TBC1D32: variants seen among roughly 807,000 people sequenced by gnomAD.
TBC1D32 encodes the protein TBC1 domain family member 32.
In TBC1D32, 151 loss-of-function variants were observed where a neutral mutation model predicts 170.3. The observed-to-expected ratio is 0.89, with a 90% CI of 0.78 to 1.01. The LOEUF is 1.01. Among genes scored for constraint, TBC1D32 ranks in the 50% least tolerant of loss-of-function variants. The probability of loss-of-function intolerance (pLI) is 0.00; values close to 1 mark genes in which losing one functional copy is unlikely to be tolerated. For synonymous variants in TBC1D32, 498 were observed against 488.0 expected (o/e 1.02, Z -0.27); for missense variants, 1,464 against 1,457.1 (o/e 1.00, Z -0.08).
chr6:121,209,252 C>G (rs918266617), intron 21 of TBC1D32, among the ~76,000 whole-genome samples: 1 of 152,048 alleles, frequency 6.6e-6, no homozygotes, highest in African/African-American at 2.4e-5. Flanking sequence ...AAACCATAAC[C>G]ACAATCTATG....
At chr6:121,209,532 G>A (rs571821217) in intron 21 of TBC1D32, among the ~76,000 whole-genome samples, 3 of 152,124 alleles carry the variant, frequency 2.0e-5, no homozygotes, top group Admixed American at 6.5e-5. Context: ...CTACTTCCAC[G>A]GGTTTAACTA....
intron 17 of TBC1D32, among the ~76,000 whole-genome samples, chr6:121,253,879 T>TA (rs1423324824): frequency 6.6e-6 from 1 of 152,080 alleles, no homozygotes; most frequent in Non-Finnish European, 1.5e-5. Flanking sequence ...GCAATCCCAC[T>TA]ACTGGGTATC....
chr6:121,224,316 C>A (rs545501100), intron 20 of TBC1D32: 1 of 152,106 alleles, frequency 6.6e-6, no homozygotes, highest in Admixed American at 6.6e-5. Flanking sequence ...GTCCTATGTT[C>A]TGTCAATACT....
chr6:121,093,186 C>T (rs888134037), intron 30 of TBC1D32, among the ~76,000 whole-genome samples: 29 of 152,166 alleles, frequency 1.9e-4, no homozygotes, highest in African/African-American at 7.0e-4. Context: ...GATGCATCTC[C>T]CAAATTGCAA....
At chr6:121,261,263 C>A (rs1417139638) in intron 15 of TBC1D32, among the ~76,000 whole-genome samples, 12 of 152,212 alleles carry the variant, frequency 7.9e-5, no homozygotes, top group Non-Finnish European at 4.4e-5. Context: ...CAGTGCAGCA[C>A]ACCCTCTGCC....
At chr6:121,105,399 C>T (rs1264498789) in intron 30 of TBC1D32, among the ~76,000 whole-genome samples, 1 of 151,854 alleles carries the variant, frequency 6.6e-6, no homozygotes, top group African/African-American at 2.4e-5. Flanking sequence ...CTCTCTCAGA[C>T]CCTGACCTAA....
chr6:121,293,908 C>CA (rs2128466216), intron 11 of TBC1D32, among the ~76,000 whole-genome samples: 1 of 151,688 alleles, frequency 6.6e-6, no homozygotes, highest in South Asian at 2.1e-4. Context: ...GAGACTCTGT[C>CA]TAAAAAAATA....
At chr6:121,233,234 C>T (rs562991336) in intron 20 of TBC1D32, among the ~76,000 whole-genome samples, 14 of 152,074 alleles carry the variant, frequency 9.2e-5, no homozygotes, top group Middle Eastern at 3.4e-3. Flanking sequence ...ATTTGTTCTA[C>T]GGTATAGTTT....
chr6:121,255,785 TA>T, intron 16 of TBC1D32, among the ~76,000 whole-genome samples: 1 of 152,096 alleles, frequency 6.6e-6, no homozygotes, highest in Non-Finnish European at 1.5e-5. Context: ...AAAATTACTT[TA>T]AAATAACTCC....
intron 22 of TBC1D32, among the ~76,000 whole-genome samples, chr6:121,174,356 G>A (rs1312457831): frequency 6.6e-6 from 1 of 151,830 alleles, no homozygotes; most frequent in African/African-American, 2.4e-5. Context: ...ATTCTCCCCG[G>A]GAGAAAAAAA....
chr6:121,194,549 G>C (rs1041751559), intron 22 of TBC1D32, among the ~76,000 whole-genome samples: 8 of 152,184 alleles, frequency 5.3e-5, no homozygotes, highest in Non-Finnish European at 1.0e-4. Flanking sequence ...TAACGAAGTG[G>C]TGACTCCAAC....
intron 29 of TBC1D32, among the ~76,000 whole-genome samples, chr6:121,108,244 G>C (rs1338234507): frequency 6.6e-6 from 1 of 152,024 alleles, no homozygotes; most frequent in African/African-American, 2.4e-5. Flanking sequence ...TCAATAGTGA[G>C]AGCTCTAAGT....
intron 14 of TBC1D32, among the ~76,000 whole-genome samples, chr6:121,280,131 G>A (rs533069495): frequency 6.6e-6 from 1 of 151,736 alleles, no homozygotes; most frequent in Non-Finnish European, 1.5e-5. Context: ...AGCACAAAAA[G>A]TATATCACTT....
At chr6:121,307,099 G>A (rs1335154571) in intron 5 of TBC1D32, among the ~76,000 whole-genome samples, 1 of 151,986 alleles carries the variant, frequency 6.6e-6, no homozygotes, top group Non-Finnish European at 1.5e-5. Flanking sequence ...ACACAGCCAG[G>A]CGTGGTGGCT....
intron 15 of TBC1D32, among the ~76,000 whole-genome samples, chr6:121,267,123 C>T (rs905894705): frequency 7.2e-6 from 1 of 138,758 alleles, no homozygotes; most frequent in African/African-American, 3.1e-5. Context: ...ACAATGTGCT[C>T]TTCTAAAAAA....
chr6:121,122,033 A>C (rs907544589), intron 26 of TBC1D32, among the ~76,000 whole-genome samples: 4 of 151,934 alleles, frequency 2.6e-5, no homozygotes, highest in Middle Eastern at 3.4e-3. Context: ...GCCAGCACCT[A>C]ATCTCCCCTT....
At chr6:121,207,266 A>G (rs1792399752) in intron 21 of TBC1D32, among the ~76,000 whole-genome samples, 1 of 152,138 alleles carries the variant, frequency 6.6e-6, no homozygotes. Context: ...TTTCTTCAAT[A>G]GTAGGGAATT....
intron 31 of TBC1D32, among the ~76,000 whole-genome samples, chr6:121,083,314 T>C (rs1775842465): frequency 6.6e-6 from 1 of 152,094 alleles, no homozygotes; most frequent in Non-Finnish European, 1.5e-5. Flanking sequence ...AATAGATTAC[T>C]ACTAGAATGA....
chr6:121,283,790 T>C, intron 13 of TBC1D32, 28 bp downstream of exon 13: 2 of 1,493,908 alleles, frequency 1.3e-6, no homozygotes, highest in Middle Eastern at 1.9e-4. Flanking sequence ...GTTTTATATT[T>C]CTCTATTTAA....
Sources: gnomAD v4.1 joint callset for allele counts (sites outside exome capture counted in the v4.1 genomes callset) on GRCh38, gnomAD v4.1.1 for gene constraint, MANE v1.5 for transcripts, NCBI Gene and HGNC (gene_info 2026-07-23, HGNC 2026-07-21) for gene names.